Variants in GREB1 observed in about 807,000 individuals in gnomAD.
The protein encoded by GREB1 is growth regulating estrogen receptor binding 1.
A neutral mutation model predicts 200.7 loss-of-function variants in GREB1; 106 were observed. The ratio of observed to expected loss-of-function variants is 0.53; its 90% CI spans 0.45 to 0.62. The LOEUF (loss-of-function observed/expected upper bound fraction) is 0.62. Ranked by LOEUF, GREB1 falls within the 20% of genes least tolerant of loss-of-function variation. The pLI is 0.00. For missense variants in GREB1, 2,243 were observed against 2,556.8 expected, an observed-to-expected ratio of 0.88 and a Z score of 2.65; for synonymous variants, 1,132 against 1,092.4, an observed-to-expected ratio of 1.04 and a Z score of -0.72.
chr2:11,565,168 C>G (rs561029228), intron 3 of GREB1, among the ~76,000 whole-genome samples: 45 of 152,226 alleles, frequency 3.0e-4, no homozygotes, highest in Middle Eastern at 6.3e-3. Context: ...CTGTAGCTTG[C>G]AGCAAATCAC....
intron 2 of GREB1, among the ~76,000 whole-genome samples, chr2:11,558,615 G>A (rs1052888433): frequency 1.1e-4 from 16 of 152,166 alleles, no homozygotes; most frequent in African/African-American, 3.9e-4. Context: ...GGGCTGATGG[G>A]GCTGGTGGGA....
At position 11,580,838 on chromosome 2, in the gene GREB1, T is replaced by C; in HGVS notation, c.901+6T>C. 1 of 1,614,246 alleles carries C rather than the reference T, an allele frequency of 6.2e-7. No individual in the cohort carries two copies. Among genetic ancestry groups the C allele is most frequent in the South Asian group, 1.1e-5 (1 of 91,092 alleles). Reference sequence around the variant, plus strand: ...GCCGCGACCATCGGCTTTAGGTAGCTCTGCCTGTCCTGGCCGTCCTGGGGA... The same window carrying C: ...GCCGCGACCATCGGCTTTAGGTAGCCCTGCCTGTCCTGGCCGTCCTGGGGA... On this transcript the variant is annotated splice_donor_region_variant and intron_variant, in intron 7 of 32. Transcript: ENST00000381486. The surrounding 1 kb of genome is among the most constrained non-coding windows in gnomAD (Gnocchi z 4.5).
chr2:11,487,253 G>A (rs545390128), intron 1 of GREB1, among the ~76,000 whole-genome samples: 48 of 152,220 alleles, frequency 3.2e-4, no homozygotes, highest in Non-Finnish European at 5.1e-4. Context: ...ACTGCTCTTA[G>A]GAAGTGACAA....
At chr2:11,499,503 T>G (rs1415895574) in intron 1 of GREB1, among the ~76,000 whole-genome samples, 1 of 152,268 alleles carries the variant, frequency 6.6e-6, no homozygotes. Context: ...TAGCTTCTAC[T>G]GTGCTGTTAA....
At chr2:11,612,255 G>A in intron 18 of GREB1, 1 of 1,136,894 alleles carries the variant, frequency 8.8e-7, no homozygotes, top group Non-Finnish European at 1.1e-6. Context: ...CACGGAGCTG[G>A]TCAGCTGATA....
At chr2:11,553,503 AAAC>A (rs1676134001) in intron 1 of GREB1, among the ~76,000 whole-genome samples, 1 of 150,260 alleles carries the variant, frequency 6.7e-6, no homozygotes, top group African/African-American at 2.5e-5. Context: ...AACAAACAAA[AAAC>A]CCCACTTTTC....
At chr2:11,618,196 G>A (rs527983535) in intron 21 of GREB1, 92 bp from the exon 22 acceptor site, 2 of 1,152,844 alleles carry the variant, frequency 1.7e-6, no homozygotes, top group South Asian at 1.7e-5. Context: ...CTCCTGGGAT[G>A]GGTGACTCCT....
At chr2:11,603,959 A>G (rs1464147408) in intron 17 of GREB1, among the ~76,000 whole-genome samples, 1 of 152,230 alleles carries the variant, frequency 6.6e-6, no homozygotes, top group African/African-American at 2.4e-5. Context: ...CCAGAGTCAC[A>G]TGGGGGGTTT....
chr2:11,570,945 ATCCTGGTACGGC>A (rs961530465), intron 4 of GREB1, among the ~76,000 whole-genome samples: 1 of 152,094 alleles, frequency 6.6e-6, no homozygotes, highest in Non-Finnish European at 1.5e-5. Flanking sequence ...CTCACCTGGA[ATCCTGGTACGGC>A]TCCTTAGGCT....
At chr2:11,589,067 C>T (rs1395835116) in intron 10 of GREB1, 136 bp downstream of exon 10, 4 of 683,126 alleles carry the variant, frequency 5.9e-6, no homozygotes, top group East Asian at 2.7e-5. Flanking sequence ...GCTTCACTGG[C>T]GGGACGTCAT....
At chr2:11,563,732 C>T (rs1677324860) in intron 3 of GREB1, among the ~76,000 whole-genome samples, 1 of 152,202 alleles carries the variant, frequency 6.6e-6, no homozygotes, top group African/African-American at 2.4e-5. Context: ...GGAATGCCTA[C>T]TATGTTCAGG....
In GREB1 at chr2:11,493,595, C is replaced by T. The variant is rs1672816685; in HGVS notation, c.-159+11214C>T. On this transcript the variant is annotated intron_variant, in intron 1 of 2. Coordinates refer to the GREB1 transcript ENST00000628795. This position sits in a 1 kb window ranked among gnomAD's most constrained non-coding sequence, Gnocchi z 4.6. ...CCAGTACCAGTCTGTGGCCCGGGGA[C>T]TGGGGACCCCTGAATTCGCCTATGT... Among the ~76,000 whole-genome samples, 2 of 152,184 alleles carry T rather than the reference C, an allele frequency of 1.3e-5. No homozygotes were observed. Among genetic ancestry groups the T allele is most frequent in the South Asian group, 2.1e-4 (1 of 4,824 alleles).
At chr2:11,595,531 C>G in intron 12 of GREB1, 152 bp downstream of exon 12, 4 of 715,904 alleles carry the variant, frequency 5.6e-6, no homozygotes, top group Admixed American at 2.7e-5. Flanking sequence ...GCACTTCTGT[C>G]CCTTTCTTTT....
chr2:11,520,657 A>G (rs1212578111), intron 1 of GREB1, among the ~76,000 whole-genome samples: 1 of 152,148 alleles, frequency 6.6e-6, no homozygotes, highest in Non-Finnish European at 1.5e-5. Flanking sequence ...ATCCCTGATT[A>G]CAGATGGCAA....
chr2:11,578,957 G>A (rs1357324159), intron 6 of GREB1, among the ~76,000 whole-genome samples: 1 of 152,222 alleles, frequency 6.6e-6, no homozygotes, highest in African/African-American at 2.4e-5. Flanking sequence ...GGAGGTGGAG[G>A]CAAGAGGTGA....
intron 1 of GREB1, among the ~76,000 whole-genome samples, chr2:11,516,314 G>T (rs1367740284): frequency 9.3e-6 from 1 of 107,928 alleles, no homozygotes; most frequent in East Asian, 2.5e-4. Flanking sequence ...TCCTGCAGGT[G>T]TGTGTGTGTG....
At chr2:11,574,261 C>T (rs755713744) in intron 4 of GREB1, among the ~76,000 whole-genome samples, 12 of 152,208 alleles carry the variant, frequency 7.9e-5, no homozygotes, top group African/African-American at 2.2e-4. Context: ...ACAGCTCACA[C>T]GTGCAGTCAT....
chr2:11,566,046 T>G (rs1677612326), intron 3 of GREB1, among the ~76,000 whole-genome samples: 1 of 146,152 alleles, frequency 6.8e-6, no homozygotes, highest in Non-Finnish European at 1.5e-5. Context: ...TGAGATGGAG[T>G]CTCACTTTGT....
chr2:11,569,417 G>T (rs536635255), intron 4 of GREB1, among the ~76,000 whole-genome samples: 2 of 152,210 alleles, frequency 1.3e-5, no homozygotes, highest in East Asian at 3.9e-4. Flanking sequence ...ACATCCATGT[G>T]CGACATGGTC....
Sources: gnomAD v4.1 joint callset for allele counts (sites outside exome capture counted in the v4.1 genomes callset) on GRCh38, gnomAD v4.1.1 for gene constraint, Gnocchi (gnomAD v3.1) non-coding constraint, MANE v1.5 for transcripts, NCBI Gene and HGNC (gene_info 2026-07-23, HGNC 2026-07-21) for gene names.